The following SDHB variants were observed in gnomAD, a reference collection of about 807,000 sequenced individuals.
SDHB encodes succinate dehydrogenase [ubiquinone] iron-sulfur subunit, mitochondrial.
In SDHB, 21 loss-of-function variants were observed where a neutral mutation model predicts 39.7. That is an observed-to-expected ratio of 0.53 (90% CI 0.37 to 0.76). The LOEUF (loss-of-function observed/expected upper bound fraction) is 0.76, where lower values mean the gene tolerates loss of function less well. Ranked by LOEUF, SDHB falls within the 30% of genes least tolerant of loss-of-function variation. The pLI is 0.00. For synonymous variants in SDHB, 118 were observed against 117.0 expected, an observed-to-expected ratio of 1.01 and a Z score of -0.06; for missense variants, 343 against 350.9, an observed-to-expected ratio of 0.98 and a Z score of 0.18.
intron 6 of SDHB, among the ~76,000 whole-genome samples, chr1:17,023,523 A>G (rs1411358548): frequency 6.6e-6 from 1 of 152,226 alleles, no homozygotes; most frequent in Non-Finnish European, 1.5e-5. Flanking sequence ...GTGAACATCA[A>G]TACTATTTTC....
rs186998052 is a variant in SDHB, at chr1:17,051,006, C to T, written c.72+2942G>A. 2.9e-3 allele frequency among the ~76,000 whole-genome samples: 441 copies of T among 152,324 alleles called. 5 individuals carry two copies. Among genetic ancestry groups the T allele is most frequent in the African/African-American group, 0.01 (425 of 41,570 alleles). ...ACGAGGATAGGATCATATAGCAACA[C>T]AGGTCACTTGATTCAAAAATCCAAC... On this transcript the variant is annotated intron_variant, in intron 1 of 7. Transcript: ENST00000375499.
intron 1 of SDHB, chr1:17,052,420 C>A (rs2078153632): frequency 6.6e-6 from 1 of 152,170 alleles, no homozygotes; most frequent in Non-Finnish European, 1.5e-5. Flanking sequence ...GGCCTTGGGG[C>A]TCTTCTATTT....
chr1:17,035,271 T>G (rs1402215028), intron 2 of SDHB, among the ~76,000 whole-genome samples: 1 of 152,168 alleles, frequency 6.6e-6, no homozygotes, highest in Non-Finnish European at 1.5e-5. Flanking sequence ...TCCTGAGGTC[T>G]GATAAATACT....
intron 1 of SDHB, among the ~76,000 whole-genome samples, chr1:17,052,709 G>C (rs1432534668): frequency 6.6e-6 from 1 of 152,188 alleles, no homozygotes; most frequent in African/African-American, 2.4e-5. Flanking sequence ...GATGCAGACA[G>C]AGTGGATCCA....
intron 2 of SDHB, among the ~76,000 whole-genome samples, chr1:17,042,555 A>G (rs1433394457): frequency 1.3e-5 from 2 of 152,114 alleles, no homozygotes; most frequent in African/African-American, 4.8e-5. Flanking sequence ...AAATGGGTGG[A>G]TTGCTTGAGC....
intron 1 of SDHB, among the ~76,000 whole-genome samples, chr1:17,052,861 C>T (rs1015783715): frequency 6.6e-6 from 1 of 152,192 alleles, no homozygotes; most frequent in Non-Finnish European, 1.5e-5. Context: ...ATTTCTTGGA[C>T]ACCAACCATG....
At chr1:17,022,769 CA>C (rs1303898737) in intron 6 of SDHB, 39 bp from the exon 7 acceptor site, 1 of 1,601,018 alleles carries the variant, frequency 6.2e-7, no homozygotes, top group South Asian at 1.1e-5. Flanking sequence ...TGCCAATCAA[CA>C]GGCCAGAGCG....
In SDHB at chr1:17,044,860, G is replaced by C. The variant is rs867908217; in HGVS notation, c.101C>G (p.Ala34Gly). 6.2e-7 allele frequency: 1 copy of C among 1,613,814 alleles called. No homozygotes were observed. Among genetic ancestry groups the C allele is most frequent in the Non-Finnish European group, 8.5e-7 (1 of 1,179,974 alleles). The stretch of plus-strand genomic sequence containing the variant: ...AAATTTCTTGATACGGGGAGCTGTG[G>C]CTGCAGCTGTCTGGGCTCCTCGGGA... ...QASRGAQTAA[A>G]TAPRIKKFAI... The change falls in exon 2 of 8, where the codon GCC becomes GGC. Residue 34 changes from alanine (A) to glycine (G), a missense_variant. Physicochemically the swap from Ala to Gly is moderately conservative, Grantham distance 60. Transcript: ENST00000375499.
intron 3 of SDHB, among the ~76,000 whole-genome samples, chr1:17,029,517 C>T (rs533367463): frequency 2.0e-5 from 3 of 152,064 alleles, no homozygotes; most frequent in African/African-American, 4.8e-5. Flanking sequence ...CTGCAACCTC[C>T]GCCTCCCCAG....
chr1:17,052,741 A>C (rs113824572), intron 1 of SDHB, among the ~76,000 whole-genome samples: 2 of 152,324 alleles, frequency 1.3e-5, no homozygotes, highest in Admixed American at 6.5e-5. Flanking sequence ...AGCATGCTGG[A>C]TAGAACCAGG....
intron 1 of SDHB, 51 bp from the exon 2 acceptor site, chr1:17,044,939 A>G: frequency 6.5e-7 from 1 of 1,547,160 alleles, no homozygotes; most frequent in Non-Finnish European, 8.9e-7. Context: ...GAAATACAAG[A>G]TAATTCCATT....
At position 17,044,816 on chromosome 1, in the gene SDHB, G is replaced by A. The variant is rs2078100145; in HGVS notation, c.145C>T (p.Pro49Ser). The change falls in exon 2 of 8, where the codon CCA becomes TCA. Residue 49 changes from proline to serine, a missense_variant. By Grantham distance (74) the Pro-to-Ser change is moderately conservative (BLOSUM62 -1). Transcript: ENST00000375499. The part of the protein sequence containing the change: ...IKKFAIYRWD[P>S]DKAGDKPHMQ... ...TGAGGTTTGTCTCCAGCCTTGTCTG[G>A]GTCCCATCGATAGATGGCAAATTTC... 4 of 1,613,926 alleles carry A rather than the reference G, an allele frequency of 2.5e-6. No homozygotes were observed. Among genetic ancestry groups the A allele is most frequent in the Admixed American group, 1.7e-5 (1 of 59,998 alleles).
intron 2 of SDHB, among the ~76,000 whole-genome samples, chr1:17,040,919 C>G (rs1191687688): frequency 6.6e-6 from 1 of 152,112 alleles, no homozygotes; most frequent in East Asian, 1.9e-4. Flanking sequence ...CACTTGAGGT[C>G]AGGAGTTTAA....
In SDHB at chr1:17,022,723, C is replaced by T. The variant is rs747518441; in HGVS notation, c.650G>A (p.Arg217His). Residue 217 changes from arginine (R) to histidine (H), a missense_variant, in exon 7 of 8, where the codon CGC becomes CAC. Transcript: ENST00000375499. The stretch of plus-strand genomic sequence containing the variant: ...GTCATCTCTGGAGTCAATCATCCAG[C>T]GATAGGCCTGGAAAACCAGGGATGA... ...LGPAVLMQAY[R>H]WMIDSRDDFT... The T allele has an allele frequency of 9.9e-6, 16 of 1,613,386 alleles. No individual in the cohort carries two copies. The highest frequency in any genetic ancestry group is 2.2e-5 in the East Asian group (1 of 44,880).
rs1277374324 is a variant in SDHB at position 17,044,784 on chromosome 1, C to A, written c.177G>T (p.Gln59His). ...ACTTATTAAGGTCAACTTCATAAGT[C>A]TGCATATGAGGTTTGTCTCCAGCCT... ...PDKAGDKPHM[Q>H]TYEVDLNKCG... is the part of the protein sequence containing the mutation. The change falls in exon 2 of 8, where the codon CAG becomes CAT. Residue 59 changes from glutamine (Q) to histidine (H), a missense_variant. Gln to His is a conservative substitution (Grantham distance 24, BLOSUM62 0). Coordinates refer to ENST00000375499, the MANE Select transcript of SDHB (RefSeq NM_003000.3). 1 of 1,613,944 alleles carries A rather than the reference C, an allele frequency of 6.2e-7. No homozygotes were observed. The highest frequency in any genetic ancestry group is 1.3e-5 in the African/African-American group (1 of 74,914).
chr1:17,051,940 C>T (rs928902875), intron 1 of SDHB, among the ~76,000 whole-genome samples: 8 of 151,760 alleles, frequency 5.3e-5, no homozygotes, highest in African/African-American at 1.7e-4. Flanking sequence ...CTCCCAGGTT[C>T]AAGCAATTCT....
At chr1:17,040,597 G>A (rs1212924229) in intron 2 of SDHB, among the ~76,000 whole-genome samples, 2 of 152,102 alleles carry the variant, frequency 1.3e-5, no homozygotes, top group African/African-American at 4.8e-5. Context: ...TAGGACTACA[G>A]GTATGTGCCA....
chr1:17,028,600 G>A lies in SDHB; in HGVS notation c.423C>T (p.Pro141=), dbSNP rs150542357. The change falls in exon 4 of 8, where the codon CCC becomes CCT. Residue 141 remains proline (P), a splice_region_variant and synonymous_variant. Coordinates refer to ENST00000375499, the MANE Select transcript of SDHB (RefSeq NM_003000.3). ...AAACCAGAGAGATGCAGAAACTCAC[G>A]GGAACAAGATCCTTTATCACATACA... is the stretch of plus-strand genomic sequence containing the variant. ...PHMYVIKDLV[P]DLSNFYAQYK... The A allele has an allele frequency of 2.8e-5, 45 of 1,613,948 alleles. No individual in the cohort carries two copies. Among genetic ancestry groups the A allele is most frequent in the African/African-American group, 1.5e-4 (11 of 74,918 alleles).
chr1:17,044,001 A>G (rs1055009832), intron 2 of SDHB, among the ~76,000 whole-genome samples: 1 of 152,226 alleles, frequency 6.6e-6, no homozygotes, highest in African/African-American at 2.4e-5. Context: ...TAATACATTT[A>G]GGTTGTTTTA....
Sources: allele counts gnomAD v4.1 joint callset (sites outside exome capture counted in the v4.1 genomes callset), GRCh38; gene constraint gnomAD v4.1.1; transcripts MANE v1.5; gene names NCBI Gene and HGNC (gene_info 2026-07-23, HGNC 2026-07-21).